SSBP3: variants seen among roughly 807,000 people sequenced by gnomAD.
SSBP3 encodes single stranded DNA binding protein 3, also known as single-stranded DNA-binding protein 3.
SSBP3 carries 5 observed loss-of-function variants against 69.6 expected under a neutral mutation model. That is an observed-to-expected ratio of 0.07 (90% CI 0.04 to 0.15). The LOEUF (loss-of-function observed/expected upper bound fraction) is 0.15, where lower values mean the gene tolerates loss of function less well. SSBP3 is among the 10% of genes least tolerant of loss of function. The pLI is 1.00. For synonymous variants in SSBP3, 196 were observed against 193.4 expected (o/e 1.01, Z -0.11); for missense variants, 312 against 534.0 (o/e 0.58, Z 4.10).
At chr1:54,376,776 G>C (rs570723068) in intron 4 of SSBP3, among the ~76,000 whole-genome samples, 1 of 152,278 alleles carries the variant, frequency 6.6e-6, no homozygotes, top group South Asian at 2.1e-4. Flanking sequence ...TACAAACGGC[G>C]ATGCAAATCT....
intron 4 of SSBP3, among the ~76,000 whole-genome samples, chr1:54,293,557 T>C (rs1224300940): frequency 1.3e-5 from 2 of 152,234 alleles, no homozygotes. Flanking sequence ...TAGTACCAGC[T>C]TACAAAGGCC....
intron 4 of SSBP3, among the ~76,000 whole-genome samples, chr1:54,339,009 C>T (rs1344158211): frequency 6.6e-6 from 1 of 152,182 alleles, no homozygotes; most frequent in Non-Finnish European, 1.5e-5. Flanking sequence ...CCTTTTATTT[C>T]ATGTAGCACT....
At chr1:54,324,337 T>A (rs1646264617) in intron 4 of SSBP3, among the ~76,000 whole-genome samples, 1 of 152,202 alleles carries the variant, frequency 6.6e-6, no homozygotes, top group Admixed American at 6.5e-5. Flanking sequence ...AGACAGTCCT[T>A]GGCACAGCCC....
At chr1:54,347,688 A>C (rs1477342376) in intron 4 of SSBP3, among the ~76,000 whole-genome samples, 1 of 152,206 alleles carries the variant, frequency 6.6e-6, no homozygotes, top group Non-Finnish European at 1.5e-5. Context: ...AAATGAGGGG[A>C]ATATAAAATG....
At chr1:54,257,536 G>C (rs1367634007) in intron 6 of SSBP3, among the ~76,000 whole-genome samples, 2 of 152,148 alleles carry the variant, frequency 1.3e-5, no homozygotes, top group Non-Finnish European at 2.9e-5. Flanking sequence ...AAGAAGGACT[G>C]ATACGTAACA....
chr1:54,371,219 G>C (rs1337700336), intron 4 of SSBP3, among the ~76,000 whole-genome samples: 5 of 152,250 alleles, frequency 3.3e-5, no homozygotes, highest in African/African-American at 9.6e-5. Context: ...GGAGCTGCAT[G>C]TTCTCACAAG....
exon 1 of SSBP3, chr1:54,405,983 G>C (rs751614436): frequency 6.8e-7 from 1 of 1,472,792 alleles, no homozygotes; most frequent in East Asian, 3.0e-5. Flanking sequence ...CGAGGGCACC[G>C]CCGAGCCTTT....
chr1:54,348,610 C>T (rs1646729790), intron 4 of SSBP3, among the ~76,000 whole-genome samples: 1 of 152,178 alleles, frequency 6.6e-6, no homozygotes, highest in South Asian at 2.1e-4. Flanking sequence ...TTGCTGGGGC[C>T]AAGTCAATAC....
intron 5 of SSBP3, among the ~76,000 whole-genome samples, chr1:54,260,945 G>C (rs748393284): frequency 1.3e-5 from 2 of 152,216 alleles, no homozygotes; most frequent in Non-Finnish European, 2.9e-5. Flanking sequence ...AGGGCACAGA[G>C]CTCCTCTCCC....
chr1:54,256,967 C>T (rs755577674), intron 7 of SSBP3, among the ~76,000 whole-genome samples, 160 bp downstream of exon 7: 1 of 152,186 alleles, frequency 6.6e-6, no homozygotes, highest in Admixed American at 6.5e-5. Context: ...ACAGCGGGGA[C>T]ATGGGGCCCT....
intron 4 of SSBP3, among the ~76,000 whole-genome samples, chr1:54,374,628 T>C (rs753068499): frequency 2.0e-5 from 3 of 152,166 alleles, no homozygotes; most frequent in Non-Finnish European, 4.4e-5. Context: ...CAGTGAAGCC[T>C]GTTCAGGTGG....
chr1:54,380,467 C>T (rs772654908), intron 4 of SSBP3, among the ~76,000 whole-genome samples: 1 of 152,208 alleles, frequency 6.6e-6, no homozygotes, highest in South Asian at 2.1e-4. Context: ...GAAAGAACGC[C>T]GTGCCGACAC....
At chr1:54,374,205 C>G (rs536961984) in intron 4 of SSBP3, among the ~76,000 whole-genome samples, 2 of 152,168 alleles carry the variant, frequency 1.3e-5, no homozygotes, top group Non-Finnish European at 2.9e-5. Flanking sequence ...GACGCAGGTG[C>G]GCGGGAATGT....
Position 54,307,070 on chromosome 1 carries a change from C to G in SSBP3, c.277-25543G>C, listed in dbSNP as rs184498579. Among the ~76,000 whole-genome samples, 12 of 152,272 alleles carry G rather than the reference C, an allele frequency of 7.9e-5. No homozygotes were observed. The East Asian group carries it at 2.3e-3, about 29-fold the overall frequency. On this transcript the variant is annotated intron_variant, in intron 4 of 17. Coordinates refer to ENST00000610401, the Ensembl canonical transcript of SSBP3. ...GGAAGGCCAGGCCTCAACACATCAC[C>G]AAGGCCCTACTACCTGGGCACCCTA...
intron 1 of SSBP3, among the ~76,000 whole-genome samples, chr1:54,411,514 C>T (rs1415366931): frequency 6.6e-6 from 1 of 151,846 alleles, no homozygotes; most frequent in Non-Finnish European, 1.5e-5. Context: ...TCTGACAGGC[C>T]ATGGTGGCTC....
chr1:54,316,706 A>G, intron 4 of SSBP3, among the ~76,000 whole-genome samples: 1 of 81,634 alleles, frequency 1.2e-5, no homozygotes, highest in Admixed American at 1.0e-4. Context: ...ATAAATAAAT[A>G]AATAAAATAA....
intron 17 of SSBP3, 78 bp from the exon 18 acceptor site, chr1:54,227,238 G>C (rs1354424933): frequency 2.3e-6 from 2 of 865,236 alleles, no homozygotes. Context: ...CCAAGAGCCT[G>C]GGGTGACTGC....
chr1:54,243,513 T>G (rs182733711), intron 9 of SSBP3, among the ~76,000 whole-genome samples: 164 of 152,256 alleles, frequency 1.1e-3, no homozygotes, highest in Middle Eastern at 3.4e-3. Context: ...AGTCACAACA[T>G]TCAGTGCATT....
At chr1:54,260,004 C>T (rs1184413472) in intron 5 of SSBP3, among the ~76,000 whole-genome samples, 4 of 152,170 alleles carry the variant, frequency 2.6e-5, no homozygotes, top group Non-Finnish European at 5.9e-5. Context: ...ACATGAATAC[C>T]ACTGTGATAA....
Sources: allele counts gnomAD v4.1 joint callset (sites outside exome capture counted in the v4.1 genomes callset), GRCh38; gene constraint gnomAD v4.1.1; transcripts MANE v1.5; gene names NCBI Gene and HGNC (gene_info 2026-07-23, HGNC 2026-07-21).